The following ARID2 variants were observed in gnomAD, a reference collection of about 807,000 sequenced individuals.
ARID2 encodes AT-rich interactive domain-containing protein 2.
Under a neutral mutation model 184.6 loss-of-function variants are expected in ARID2, and 32 were observed. The ratio of observed to expected loss-of-function variants is 0.17; its 90% confidence interval spans 0.13 to 0.23. The LOEUF is 0.23. Among genes scored for constraint, ARID2 ranks in the 10% least tolerant of loss-of-function variants. ARID2 has a pLI of 1.00. For missense variants in ARID2, 1,696 were observed against 2,197.6 expected, an observed-to-expected ratio of 0.77 and a Z score of 4.56; for synonymous variants, 836 against 772.6, an observed-to-expected ratio of 1.08 and a Z score of -1.36.
rs748678717 is a variant in ARID2 at position 45,817,925 on chromosome 12, G to A, written c.637+37G>A. ...GCTGAATGTATTATATAATTCTTCTGTAAAAGTTTTTTTTTTAAGGTTTTT... is the reference window on the plus strand; with the variant it reads ...GCTGAATGTATTATATAATTCTTCTATAAAAGTTTTTTTTTTAAGGTTTTT... On this transcript the variant is annotated intron_variant, in intron 5 of 20. Transcript: ENST00000334344. 5 of 1,511,578 alleles carry A rather than the reference G, an allele frequency of 3.3e-6. No homozygotes were observed. The East Asian group carries it at 1.2e-4, about 36-fold the overall frequency. The allele number at this position is 1,511,578 out of a possible 1,614,324, so 93.6% of individuals were successfully genotyped here.
At chr12:45,800,711 A>T (rs1189755038) in intron 3 of ARID2, among the ~76,000 whole-genome samples, 2 of 152,066 alleles carry the variant, frequency 1.3e-5, no homozygotes, top group African/African-American at 2.4e-5. Flanking sequence ...AATACGAGAT[A>T]AGCCTGGAAT....
intron 3 of ARID2, among the ~76,000 whole-genome samples, chr12:45,747,375 C>G (rs967823546): frequency 6.6e-6 from 1 of 152,000 alleles, no homozygotes; most frequent in Non-Finnish European, 1.5e-5. Context: ...AGGGAAAAAG[C>G]CTGTAAGTAC....
intron 3 of ARID2, among the ~76,000 whole-genome samples, chr12:45,732,014 A>G: frequency 6.6e-6 from 1 of 151,050 alleles, no homozygotes; most frequent in Non-Finnish European, 1.5e-5. Context: ...GGCAAAGTTT[A>G]ATTTCTTATT....
In ARID2 at chr12:45,849,693, T is replaced by A. The variant is rs748709727; in HGVS notation, c.1829T>A (p.Met610Lys). The change falls in exon 14 of 21, where the codon ATG (methionine) becomes AAG (lysine). Residue 610 changes from methionine to lysine, a missense_variant. Physicochemically the swap from Met to Lys is moderately conservative, Grantham distance 95. Coordinates refer to ENST00000334344, the MANE Select transcript of ARID2 (RefSeq NM_152641.4). Reference sequence around the variant, plus strand: ...AGGGCTATACCACTTCCCATTCAGATGTACTATCAGCAGCAACCAGTTTCT... The same window carrying A: ...AGGGCTATACCACTTCCCATTCAGAAGTACTATCAGCAGCAACCAGTTTCT... ...KRRAIPLPIQ[M>K]YYQQQPVSTS... The A allele has an allele frequency of 1.7e-5, 27 of 1,613,826 alleles. No homozygotes were observed. In the Admixed American group the frequency reaches 4.5e-4, roughly 27 times the overall value.
chr12:45,729,860 G>C lies in ARID2; in HGVS notation c.24G>C (p.Ala8=). MANSTGK[A]PPDERRKGLA... is the part of the protein sequence containing the mutation. Reference sequence around the variant, plus strand: ...TAATGGCAAACTCGACGGGGAAGGCGCCTCCGGACGAGCGGAGAAAGGGAC... The same window carrying C: ...TAATGGCAAACTCGACGGGGAAGGCCCCTCCGGACGAGCGGAGAAAGGGAC... Residue 8 remains alanine, a synonymous_variant, in exon 1 of 21, where the codon GCG becomes GCC. Coordinates refer to ENST00000334344, the MANE Select transcript of ARID2 (RefSeq NM_152641.4). 1 of 1,611,346 alleles carries C rather than the reference G, an allele frequency of 6.2e-7. No homozygotes were observed. Among genetic ancestry groups the C allele is most frequent in the Non-Finnish European group, 8.5e-7 (1 of 1,179,052 alleles).
intron 10 of ARID2, 61 bp downstream of exon 10, chr12:45,837,768 T>G: frequency 6.9e-7 from 1 of 1,446,768 alleles, no homozygotes; most frequent in African/African-American, 1.4e-5. Flanking sequence ...AATATGGTAC[T>G]GTACAAAACC....
intron 6 of ARID2, among the ~76,000 whole-genome samples, chr12:45,828,892 A>G (rs1022161067): frequency 6.6e-6 from 1 of 151,820 alleles, no homozygotes; most frequent in African/African-American, 2.4e-5. Context: ...TCATTCTTGA[A>G]TGGTGTCTTT....
intron 3 of ARID2, among the ~76,000 whole-genome samples, chr12:45,754,484 A>G (rs903587927): frequency 2.0e-5 from 3 of 152,222 alleles, no homozygotes; most frequent in Admixed American, 1.3e-4. Context: ...TAGTTCTCCA[A>G]GCATGCCAAG....
intron 16 of ARID2, among the ~76,000 whole-genome samples, chr12:45,869,463 A>G (rs567695461): frequency 5.3e-5 from 8 of 150,428 alleles, no homozygotes; most frequent in Admixed American, 1.3e-4. Context: ...TGAATTTTGT[A>G]CTTTATTAAG....
Position 45,808,736 on chromosome 12 carries a change from C to T in ARID2, c.285-2682C>T, listed in dbSNP as rs866154012. ...GTTATTAAAAATGTGTGTTTGCGTG[C>T]GTGTGTGTGTGTGTGTGTGTGTGTA... is the stretch of plus-strand genomic sequence containing the variant. On this transcript the variant is annotated intron_variant, in intron 3 of 20. Transcript: ENST00000334344. Among the ~76,000 whole-genome samples the T allele has an allele frequency of 6.0e-3, 879 of 147,578 alleles. 8 individuals are homozygous for T. Among genetic ancestry groups the T allele is most frequent in the African/African-American group, 0.019 (780 of 40,284 alleles).
intron 4 of ARID2, among the ~76,000 whole-genome samples, chr12:45,812,363 C>T (rs988273721): frequency 1.3e-5 from 2 of 152,074 alleles, no homozygotes; most frequent in Admixed American, 6.5e-5. Flanking sequence ...GGACTATCAT[C>T]AGTATCATCA....
chr12:45,869,919 A>G (rs1490841396), intron 16 of ARID2, among the ~76,000 whole-genome samples: 1 of 152,144 alleles, frequency 6.6e-6, no homozygotes, highest in East Asian at 1.9e-4. Context: ...AAACAAGTCT[A>G]ATGTTTTCAG....
chr12:45,732,982 G>GT lies in ARID2; in HGVS notation c.284+1673dup, dbSNP rs1378119597. ...GAGGATATCATTAATTATAGGTACT[G>GT]TTTTTAACTATATAGTTTCAACATT... On this transcript the variant is annotated intron_variant, in intron 3 of 20. Coordinates refer to ENST00000334344, the MANE Select transcript of ARID2 (RefSeq NM_152641.4). 3.3e-5 allele frequency among the ~76,000 whole-genome samples: 5 copies of GT among 152,122 alleles called. No homozygotes were observed. The East Asian group carries it at 9.6e-4, about 29-fold the overall frequency.
chr12:45,752,344 G>A (rs1374558850), intron 3 of ARID2, among the ~76,000 whole-genome samples: 1 of 152,184 alleles, frequency 6.6e-6, no homozygotes, highest in South Asian at 2.1e-4. Flanking sequence ...AACAGGAACT[G>A]TGTTCTTTAT....
At chr12:45,730,226 G>A (rs1358902566) in intron 2 of ARID2, 89 bp downstream of exon 2, 1 of 1,323,870 alleles carries the variant, frequency 7.6e-7, no homozygotes, top group Admixed American at 2.2e-5. Context: ...TGGGGCTGGG[G>A]GGGTGGCCCG....
At position 45,761,994 on chromosome 12, in the gene ARID2, C is replaced by A. The variant is rs73290790; in HGVS notation, c.284+30680C>A. ...TTATTCAAACCATTTTAAAATTCTT[C>A]ATTGCAATAATTATATATATTTTTA... is the stretch of plus-strand genomic sequence containing the variant. On this transcript the variant is annotated intron_variant, in intron 3 of 20. Transcript: ENST00000334344. Among the ~76,000 whole-genome samples the A allele has an allele frequency of 5.3e-3, 814 of 152,186 alleles. 6 individuals are homozygous for A. The highest frequency in any genetic ancestry group is 0.019 in the African/African-American group (774 of 41,532).
chr12:45,798,605 T>C (rs1481157368), intron 3 of ARID2, among the ~76,000 whole-genome samples: 4 of 152,190 alleles, frequency 2.6e-5, no homozygotes, highest in African/African-American at 9.7e-5. Flanking sequence ...TGCCCATCAG[T>C]TAAGCAAGTT....
chr12:45,797,786 C>T (rs1942417364), intron 3 of ARID2, among the ~76,000 whole-genome samples: 1 of 151,842 alleles, frequency 6.6e-6, no homozygotes, highest in South Asian at 2.1e-4. Flanking sequence ...GCTATTCTTT[C>T]TTCACGTGTA....
intron 3 of ARID2, chr12:45,756,040 G>A (rs1941564645): frequency 6.5e-6 from 1 of 152,704 alleles, no homozygotes; most frequent in Admixed American, 6.6e-5. Flanking sequence ...GGAGTAGCTG[G>A]AATTACAGGT....
Sources: allele counts gnomAD v4.1 joint callset (sites outside exome capture counted in the v4.1 genomes callset), GRCh38; gene constraint gnomAD v4.1.1; transcripts MANE v1.5; gene names NCBI Gene and HGNC (gene_info 2026-07-23, HGNC 2026-07-21).